Variants in MACROD1 observed in about 807,000 individuals in gnomAD.
MACROD1 encodes the protein mono-ADP ribosylhydrolase 1.
A neutral mutation model predicts 41.4 loss-of-function variants in MACROD1; 31 were observed. The ratio of observed to expected loss-of-function variants is 0.75; its 90% CI spans 0.56 to 1.01. The LOEUF is 1.01. Among genes scored for constraint, MACROD1 ranks in the 50% least tolerant of loss-of-function variants. MACROD1 has a pLI of 0.00. For synonymous variants in MACROD1, 252 were observed against 203.4 expected, an observed-to-expected ratio of 1.24 and a Z score of -2.03; for missense variants, 473 against 460.0, an observed-to-expected ratio of 1.03 and a Z score of -0.26.
At position 64,091,112 on chromosome 11, in the gene MACROD1, G is replaced by A. The variant is rs565151582; in HGVS notation, c.517+60127C>T. Among the ~76,000 whole-genome samples the A allele has an allele frequency of 3.2e-3, 450 of 138,730 alleles. 3 individuals carry two copies. The highest frequency in any genetic ancestry group is 5.3e-3 in the Non-Finnish European group (341 of 64,030). The allele number at this position is 138,730 out of a possible 152,430, so 91.0% of individuals were successfully genotyped here. ...AGGAGGGGAGAAGGGAGAGGAGAAG[G>A]AGGGAAGAGAGGGTGGGGAGGGGGC... On this transcript the variant is annotated intron_variant, in intron 3 of 10. Coordinates refer to ENST00000255681, the MANE Select transcript of MACROD1 (RefSeq NM_014067.4).
intron 4 of MACROD1, among the ~76,000 whole-genome samples, chr11:64,009,639 C>T (rs748146528): frequency 5.4e-5 from 8 of 147,230 alleles, no homozygotes; most frequent in Non-Finnish European, 1.1e-4. Flanking sequence ...CCATCTAGTT[C>T]GGCCCCAGGG....
chr11:64,053,561 C>A (rs1259496106), intron 3 of MACROD1, among the ~76,000 whole-genome samples: 1 of 152,098 alleles, frequency 6.6e-6, no homozygotes, highest in Admixed American at 6.5e-5. Flanking sequence ...TGGACTCAGA[C>A]ACCACAGCAC....
intron 3 of MACROD1, among the ~76,000 whole-genome samples, chr11:64,130,339 AGAG>A (rs1945247649): frequency 6.6e-6 from 1 of 152,132 alleles, no homozygotes; most frequent in Non-Finnish European, 1.5e-5. Flanking sequence ...TGAGAGAGAG[AGAG>A]TGGGTGATAC....
chr11:64,154,391 C>G (rs964910906), intron 1 of MACROD1, among the ~76,000 whole-genome samples: 7 of 152,142 alleles, frequency 4.6e-5, no homozygotes, highest in African/African-American at 7.2e-5. Context: ...AGAAACCAAG[C>G]CTTCCTCTCA....
At chr11:64,141,597 T>C (rs1001011924) in intron 3 of MACROD1, among the ~76,000 whole-genome samples, 1 of 152,214 alleles carries the variant, frequency 6.6e-6, no homozygotes, top group East Asian at 1.9e-4. Flanking sequence ...CTTTTCATGC[T>C]TGGCCAATTT....
chr11:64,113,873 T>A (rs1944911839), intron 3 of MACROD1, among the ~76,000 whole-genome samples: 1 of 135,220 alleles, frequency 7.4e-6, no homozygotes. Context: ...GATTGATACA[T>A]GGATGGATGG....
intron 4 of MACROD1, among the ~76,000 whole-genome samples, chr11:64,005,942 G>A (rs1367902610): frequency 6.6e-6 from 1 of 152,232 alleles, no homozygotes; most frequent in African/African-American, 2.4e-5. Flanking sequence ...CCGCCTGGAC[G>A]GGCTGGGCAC....
chr11:64,151,776 C>T (rs543988425), intron 2 of MACROD1, among the ~76,000 whole-genome samples: 1 of 152,304 alleles, frequency 6.6e-6, no homozygotes, highest in East Asian at 1.9e-4. Context: ...GCTCACCTAA[C>T]CTAGGGCTCT....
intron 3 of MACROD1, among the ~76,000 whole-genome samples, chr11:64,046,968 G>A (rs973593545): frequency 6.6e-6 from 1 of 152,214 alleles, no homozygotes; most frequent in African/African-American, 2.4e-5. Context: ...TTCCTGAGAA[G>A]TCCAGCGCCC....
chr11:64,025,577 C>G (rs576773360), intron 3 of MACROD1, among the ~76,000 whole-genome samples: 2 of 152,206 alleles, frequency 1.3e-5, no homozygotes, highest in Non-Finnish European at 2.9e-5. Context: ...TTTTACTATG[C>G]GTGCCCCTCA....
At chr11:64,029,303 T>G (rs1412948022) in intron 3 of MACROD1, among the ~76,000 whole-genome samples, 1 of 151,924 alleles carries the variant, frequency 6.6e-6, no homozygotes, top group Non-Finnish European at 1.5e-5. Flanking sequence ...ATGAGGGGGC[T>G]GCAGAGCTTG....
intron 1 of MACROD1, among the ~76,000 whole-genome samples, chr11:64,155,442 C>G (rs1027097024): frequency 6.6e-6 from 1 of 152,210 alleles, no homozygotes; most frequent in Non-Finnish European, 1.5e-5. Context: ...CTCCCAACAC[C>G]ATGCTCAGTT....
At chr11:64,040,370 T>C (rs1943461632) in intron 3 of MACROD1, among the ~76,000 whole-genome samples, 2 of 151,806 alleles carry the variant, frequency 1.3e-5, no homozygotes, top group Non-Finnish European at 2.9e-5. Flanking sequence ...ACAGGATGGA[T>C]GGAGAGGGCT....
At chr11:64,032,014 C>T (rs1280500666) in intron 3 of MACROD1, among the ~76,000 whole-genome samples, 1 of 152,228 alleles carries the variant, frequency 6.6e-6, no homozygotes, top group Non-Finnish European at 1.5e-5. Context: ...TTGTCCTTGC[C>T]TTGGTGCCAA....
chr11:64,157,041 T>A (rs574937864), intron 1 of MACROD1, among the ~76,000 whole-genome samples: 14 of 152,194 alleles, frequency 9.2e-5, no homozygotes, highest in Non-Finnish European at 1.9e-4. Context: ...TTGTTCCCCC[T>A]GGAGGAGAAA....
chr11:64,067,235 T>C lies in MACROD1; in HGVS notation c.518-51954A>G, dbSNP rs1487969992. On this transcript the variant is annotated intron_variant, in intron 3 of 10. Coordinates refer to ENST00000255681, the MANE Select transcript of MACROD1 (RefSeq NM_014067.4). This position sits in a 1 kb window ranked among gnomAD's most constrained non-coding sequence, Gnocchi z 4.6. ...GGGAGGGGTGGGGAGAGGCCTTGCA[T>C]GGCACCCACTCCCACCTGTGCGGCA... Among the ~76,000 whole-genome samples the C allele has an allele frequency of 1.3e-5, 2 of 151,972 alleles. No individual in the cohort carries two copies. Among genetic ancestry groups the C allele is most frequent in the Admixed American group, 1.3e-4 (2 of 15,262 alleles).
At chr11:64,135,574 A>G (rs1171880355) in intron 3 of MACROD1, among the ~76,000 whole-genome samples, 1 of 152,226 alleles carries the variant, frequency 6.6e-6, no homozygotes, top group Non-Finnish European at 1.5e-5. Context: ...GCAGGCCATA[A>G]AACTGATTTC....
Position 64,041,199 on chromosome 11 carries a change from TAA to T in MACROD1, c.518-25920_518-25919del, listed in dbSNP as rs71045724. Among the ~76,000 whole-genome samples, 132 of 21,574 alleles carry T rather than the reference TAA, an allele frequency of 6.1e-3. 1 individual carries two copies. Among genetic ancestry groups the T allele is most frequent in the African/African-American group, 0.017 (108 of 6,182 alleles). 14.2% of individuals were successfully genotyped at this position (21,574 alleles called of 152,430 possible). A position where few individuals can be genotyped will look rare whatever the true frequency, so the allele number is the denominator to read the frequency against. ...AGATTACAACAGATTTAGCAAACTG[TAA>T]AAAAAAAAAAAAAAAAAAAAAAAAA... is the stretch of plus-strand genomic sequence containing the variant. On this transcript the variant is annotated intron_variant, in intron 3 of 10. Transcript: ENST00000255681.
intron 3 of MACROD1, among the ~76,000 whole-genome samples, chr11:64,141,371 T>C (rs1945411400): frequency 6.6e-6 from 1 of 152,156 alleles, no homozygotes; most frequent in African/African-American, 2.4e-5. Flanking sequence ...CCCACAGACA[T>C]TGCCATCTGC....
Sources: gnomAD v4.1 joint callset for allele counts (sites outside exome capture counted in the v4.1 genomes callset) on GRCh38, gnomAD v4.1.1 for gene constraint, Gnocchi (gnomAD v3.1) non-coding constraint, MANE v1.5 for transcripts, NCBI Gene and HGNC (gene_info 2026-07-23, HGNC 2026-07-21) for gene names.